HSD17B4: variants seen among roughly 807,000 people sequenced by gnomAD.
The protein encoded by HSD17B4 is hydroxysteroid 17-beta dehydrogenase 4.
Under a neutral mutation model 101.0 loss-of-function variants are expected in HSD17B4, and 70 were observed. That is an observed-to-expected ratio of 0.69 (90% confidence interval 0.57 to 0.85). The LOEUF is 0.85. Ranked by LOEUF, HSD17B4 falls within the 40% of genes least tolerant of loss-of-function variation. The pLI, the probability that HSD17B4 is intolerant of heterozygous loss-of-function variation, is 0.00. For synonymous variants in HSD17B4, 347 were observed against 297.1 expected, an observed-to-expected ratio of 1.17 and a Z score of -1.73; for missense variants, 984 against 892.4, an observed-to-expected ratio of 1.10 and a Z score of -1.31.
At chr5:119,456,962 A>G (rs1444904433) in intron 2 of HSD17B4, among the ~76,000 whole-genome samples, 2 of 152,080 alleles carry the variant, frequency 1.3e-5, no homozygotes, top group Non-Finnish European at 2.9e-5. Flanking sequence ...GGGTTTCTTG[A>G]CTCTTTCATC....
In HSD17B4 at chr5:119,536,488, A is replaced by T. The variant is rs1457597939; in HGVS notation, c.2059A>T (p.Thr687Ser). The T allele has an allele frequency of 1.2e-6, 2 of 1,612,238 alleles. No homozygotes were observed. Among genetic ancestry groups the T allele is most frequent in the South Asian group, 2.2e-5 (2 of 91,048 alleles). The change falls in exon 23 of 24, where the codon ACA becomes TCA. Residue 687 changes from threonine to serine, a missense_variant. By Grantham distance (58) the Thr-to-Ser change is moderately conservative. Coordinates refer to ENST00000510025, the MANE Select transcript of HSD17B4 (RefSeq NM_000414.4). ...CCCTGCAAAAGGTGCTGCTGATACA[A>T]CAATCATACTTTCAGATGAAGATTT... ...QGPAKGAADT[T>S]IILSDEDFME...
At chr5:119,516,756 A>G (rs1384427596) in intron 17 of HSD17B4, among the ~76,000 whole-genome samples, 3 of 152,222 alleles carry the variant, frequency 2.0e-5, no homozygotes, top group African/African-American at 7.2e-5. Flanking sequence ...AGTGTCATCT[A>G]TTGTCAAGGA....
At chr5:119,528,455 C>G (rs1380567636) in intron 20 of HSD17B4, among the ~76,000 whole-genome samples, 1 of 152,134 alleles carries the variant, frequency 6.6e-6, no homozygotes, top group Non-Finnish European at 1.5e-5. Flanking sequence ...AGTTCAAGCT[C>G]CACTTTGCTC....
chr5:119,494,505 CAT>C (rs1377861541), intron 11 of HSD17B4, among the ~76,000 whole-genome samples: 1 of 152,012 alleles, frequency 6.6e-6, no homozygotes, highest in African/African-American at 2.4e-5. Flanking sequence ...GCTTTTCTAA[CAT>C]AGTTCTTCTA....
chr5:119,509,312 G>T, intron 16 of HSD17B4, 68 bp downstream of exon 16: 1 of 984,186 alleles, frequency 1.0e-6, no homozygotes, highest in South Asian at 1.3e-5. Flanking sequence ...ATTGAGACTT[G>T]AACAGCATGA....
At chr5:119,519,851 C>T (rs1043123000) in intron 17 of HSD17B4, among the ~76,000 whole-genome samples, 12 of 152,148 alleles carry the variant, frequency 7.9e-5, no homozygotes, top group African/African-American at 2.2e-4. Context: ...TTCTACTAAA[C>T]GATCACAGTA....
chr5:119,522,620 A>G (rs1197862067), intron 17 of HSD17B4, among the ~76,000 whole-genome samples: 1 of 152,168 alleles, frequency 6.6e-6, no homozygotes, highest in Non-Finnish European at 1.5e-5. Context: ...CTCTCTGTGT[A>G]GCAACATGCA....
At chr5:119,482,618 C>G (rs546290623) in intron 8 of HSD17B4, among the ~76,000 whole-genome samples, 197 of 152,108 alleles carry the variant, frequency 1.3e-3, no homozygotes, top group Non-Finnish European at 2.6e-3. Context: ...GGAGTTAGGC[C>G]GTGTTTATTA....
In HSD17B4 at chr5:119,502,894, A is replaced by G. The variant is rs1442165740; in HGVS notation, c.1261+802A>G. Among the ~76,000 whole-genome samples, 4 of 152,192 alleles carry G rather than the reference A, an allele frequency of 2.6e-5. No individual in the cohort carries two copies. In the East Asian group the frequency reaches 7.7e-4, roughly 29 times the overall value. On this transcript the variant is annotated intron_variant, in intron 14 of 23. Coordinates refer to ENST00000510025, the MANE Select transcript of HSD17B4 (RefSeq NM_000414.4). ...CAAAACAGCTCTTTTTATGTGAAACAGTACACTTTGTGGTGATTGTGCATT... is the reference window on the plus strand; with the variant it reads ...CAAAACAGCTCTTTTTATGTGAAACGGTACACTTTGTGGTGATTGTGCATT...
chr5:119,534,930 T>C (rs1754413022), intron 22 of HSD17B4, among the ~76,000 whole-genome samples: 1 of 151,722 alleles, frequency 6.6e-6, no homozygotes, highest in South Asian at 2.1e-4. Context: ...CTTTCCATCT[T>C]CTCTGTGTTA....
chr5:119,455,229 C>T (rs757187502), intron 1 of HSD17B4, among the ~76,000 whole-genome samples: 4 of 152,176 alleles, frequency 2.6e-5, no homozygotes, highest in Non-Finnish European at 5.9e-5. Context: ...TAAAACTTCT[C>T]TCTTGGCTGG....
At position 119,497,834 on chromosome 5, in the gene HSD17B4, A is replaced by ACC. The variant is rs1162452953; in HGVS notation, c.972+1188_972+1189insCC. On this transcript the variant is annotated intron_variant, in intron 12 of 23. Coordinates refer to ENST00000510025, the MANE Select transcript of HSD17B4 (RefSeq NM_000414.4). Reference sequence around the variant, plus strand: ...TTGCTTTTTCTTTTTCAGTACCATTAGATTTCTGTATCTAACTGTATGACA... The same window carrying ACC: ...TTGCTTTTTCTTTTTCAGTACCATTACCGATTTCTGTATCTAACTGTATGACA... Among the ~76,000 whole-genome samples, 32 of 152,322 alleles carry ACC rather than the reference A, an allele frequency of 2.1e-4. No individual in the cohort carries two copies. The East Asian group carries it at 3.1e-3, about 15-fold the overall frequency.
intron 20 of HSD17B4, 77 bp from the exon 21 acceptor site, chr5:119,529,817 A>T: frequency 1.2e-6 from 1 of 858,622 alleles, no homozygotes. Flanking sequence ...TAAATTTTAA[A>T]CTTTGTACTG....
chr5:119,522,471 A>G (rs1332540933), intron 17 of HSD17B4, among the ~76,000 whole-genome samples: 1 of 152,168 alleles, frequency 6.6e-6, no homozygotes, highest in Non-Finnish European at 1.5e-5. Context: ...GGCTGGGTCA[A>G]ATGGTATTGC....
chr5:119,487,843 A>C (rs1182764512), intron 8 of HSD17B4, among the ~76,000 whole-genome samples: 1 of 152,172 alleles, frequency 6.6e-6, no homozygotes, highest in Non-Finnish European at 1.5e-5. Flanking sequence ...ATTTAAGTTA[A>C]TAATTTGTTT....
chr5:119,511,568 C>T (rs1159685621), intron 16 of HSD17B4, among the ~76,000 whole-genome samples: 2 of 151,758 alleles, frequency 1.3e-5, no homozygotes, highest in African/African-American at 4.8e-5. Context: ...GGGTATGATA[C>T]CAAAAGAGGC....
intron 8 of HSD17B4, chr5:119,487,543 T>C (rs2126734067): frequency 6.6e-6 from 1 of 152,264 alleles, no homozygotes; most frequent in African/African-American, 2.4e-5. Flanking sequence ...ACCTAGGAGT[T>C]TGAGAATGAA....
chr5:119,471,670 A>T, intron 2 of HSD17B4: 1 of 1,474,446 alleles, frequency 6.8e-7, no homozygotes, highest in Non-Finnish European at 9.0e-7. Context: ...TATGGAGAAG[A>T]TCATTTCACA....
intron 4 of HSD17B4, among the ~76,000 whole-genome samples, chr5:119,475,095 C>CTTATTTTTCTA (rs1423839340): frequency 6.6e-6 from 1 of 152,070 alleles, no homozygotes; most frequent in Non-Finnish European, 1.5e-5. Context: ...GTCTATTACA[C>CTTATTTTTCTA]TTATTTTTCT....
Sources: allele counts gnomAD v4.1 joint callset (sites outside exome capture counted in the v4.1 genomes callset), GRCh38; gene constraint gnomAD v4.1.1; transcripts MANE v1.5; gene names NCBI Gene and HGNC (gene_info 2026-07-23, HGNC 2026-07-21).